Variants in NID1 observed in about 807,000 individuals in gnomAD.
NID1 encodes nidogen-1.
A neutral mutation model predicts 130.6 loss-of-function variants in NID1; 76 were observed. The ratio of observed to expected loss-of-function variants is 0.58; its 90% CI spans 0.48 to 0.70. The LOEUF (loss-of-function observed/expected upper bound fraction) is 0.70. Ranked by LOEUF, NID1 falls within the 30% of genes least tolerant of loss-of-function variation. The pLI, the probability that NID1 is intolerant of heterozygous loss-of-function variation, is 0.00. For synonymous variants in NID1, 665 were observed against 675.1 expected (o/e 0.98, Z 0.23); for missense variants, 1,517 against 1,664.8 (o/e 0.91, Z 1.54).
chr1:236,028,551 C>T (rs149826477), intron 7 of NID1, among the ~76,000 whole-genome samples: 115 of 152,196 alleles, frequency 7.6e-4, no homozygotes, highest in African/African-American at 2.6e-3. Context: ...ACTGTGTATC[C>T]ATGTTAAATT....
rs147298534 is a variant in NID1 at position 236,003,513 on chromosome 1, T to C, written c.2527+8408A>G. ...AAACCCTGAGGTGTGTTGTCCTGGATACCAAATGAAGAAAGTGTTTCAGGA... is the reference window on the plus strand; with the variant it reads ...AAACCCTGAGGTGTGTTGTCCTGGACACCAAATGAAGAAAGTGTTTCAGGA... On this transcript the variant is annotated intron_variant, in intron 12 of 19. Transcript: ENST00000264187. Among the ~76,000 whole-genome samples, 373 of 152,276 alleles carry C rather than the reference T, an allele frequency of 2.4e-3. 1 individual carries two copies. The highest frequency in any genetic ancestry group is 8.6e-3 in the African/African-American group (356 of 41,556).
chr1:236,030,985 G>T (rs1558440052), intron 6 of NID1, among the ~76,000 whole-genome samples: 1 of 152,180 alleles, frequency 6.6e-6, no homozygotes, highest in Non-Finnish European at 1.5e-5. Context: ...GCAAAGAAAA[G>T]GGCATCTGGT....
intron 9 of NID1, among the ~76,000 whole-genome samples, chr1:236,021,453 A>G (rs1347003762): frequency 1.3e-5 from 2 of 152,186 alleles, no homozygotes; most frequent in African/African-American, 2.4e-5. Flanking sequence ...CCTGACAGGC[A>G]CCTTGCATGA....
chr1:236,053,197 T>A (rs146638805), intron 1 of NID1, among the ~76,000 whole-genome samples: 2 of 152,194 alleles, frequency 1.3e-5, no homozygotes, highest in Non-Finnish European at 2.9e-5. Flanking sequence ...TAAATGTATG[T>A]AGAGCTCACA....
Position 235,979,077 on chromosome 1 carries a change from A to G in NID1, c.3540T>C (p.Ile1180=), listed in dbSNP as rs1236744756. ...MNSVVALDLA[I]SKETDAFQPH... ...GTTGGAAAGCATCCGTCTCCTTGGA[A>G]ATTGCAAGATCGAGAGCAACCACGG... Residue 1180 remains isoleucine, a synonymous_variant, in exon 19 of 20, where the codon ATT becomes ATC. Transcript: ENST00000264187. The surrounding 1 kb of genome is among the most constrained non-coding windows in gnomAD (Gnocchi z 4.6). 7 of 1,613,922 alleles carry G rather than the reference A, an allele frequency of 4.3e-6. No homozygotes were observed. Among genetic ancestry groups the G allele is most frequent in the Admixed American group, 1.7e-5 (1 of 59,990 alleles).
rs375679956 is a variant in NID1 at position 235,980,527 on chromosome 1, C to T, written c.3354G>A (p.Ala1118=). 1.6e-4 allele frequency: 254 copies of T among 1,614,168 alleles called. No homozygotes were observed. Among genetic ancestry groups the T allele is most frequent in the African/African-American group, 2.1e-4 (16 of 75,052 alleles). Residue 1118 remains alanine (A), a synonymous_variant, in exon 17 of 20, where the codon GCG becomes GCA. Coordinates refer to ENST00000264187, the MANE Select transcript of NID1 (RefSeq NM_002508.3). ...LGLPNGLTFD[A]FSSQLCWVDA... is the part of the protein sequence containing the mutation. The stretch of plus-strand genomic sequence containing the variant: ...CCACCCAGCAGAGCTGAGATGAGAA[C>T]GCATCGAAGGTCAGTCCATTGGGCA...
chr1:236,058,550 C>T (rs553328287), intron 1 of NID1, among the ~76,000 whole-genome samples: 1 of 152,308 alleles, frequency 6.6e-6, no homozygotes, highest in East Asian at 1.9e-4. Flanking sequence ...GAGGGTGTTT[C>T]CCATCTTAGA....
chr1:236,024,706 A>G (rs986537724), intron 8 of NID1, among the ~76,000 whole-genome samples: 2 of 152,202 alleles, frequency 1.3e-5, no homozygotes, highest in Admixed American at 1.3e-4. Flanking sequence ...GAAAAAAGGG[A>G]AAGATTTTAA....
intron 9 of NID1, among the ~76,000 whole-genome samples, chr1:236,019,426 C>A (rs1658692021): frequency 6.6e-6 from 1 of 152,230 alleles, no homozygotes; most frequent in Non-Finnish European, 1.5e-5. Context: ...GAAGACAGAG[C>A]AAAATCACAG....
chr1:236,009,194 T>C (rs185119933), intron 12 of NID1, among the ~76,000 whole-genome samples: 1 of 152,316 alleles, frequency 6.6e-6, no homozygotes, highest in Admixed American at 6.5e-5. Context: ...GGGGCCCTAA[T>C]GAATGGCCTT....
chr1:235,976,391 G>GAGTT lies in NID1; in HGVS notation c.*1472_*1475dup, dbSNP rs1467292038. The GAGTT allele has an allele frequency of 6.6e-6, 1 of 152,106 alleles. No homozygotes were observed. Among genetic ancestry groups the GAGTT allele is most frequent in the African/African-American group, 2.4e-5 (1 of 41,428 alleles). 9.4% of individuals were successfully genotyped at this position (152,106 alleles called of 1,614,324 possible). A position where few individuals can be genotyped will look rare whatever the true frequency, so the allele number is the denominator to read the frequency against. ...GGCAAAATGTACCATTTTCTTTTTG[G>GAGTT]AGTTACTTAAGAGTTTTACTTATTG... On this transcript the variant is annotated 3_prime_UTR_variant, in exon 20 of 20. Coordinates refer to ENST00000264187, the MANE Select transcript of NID1 (RefSeq NM_002508.3).
intron 1 of NID1, 68 bp downstream of exon 1, chr1:236,064,787 G>T: frequency 6.8e-7 from 1 of 1,468,386 alleles, no homozygotes; most frequent in Non-Finnish European, 9.3e-7. Context: ...AAGTCCGTCC[G>T]GCTCCACGGG....
intron 10 of NID1, among the ~76,000 whole-genome samples, chr1:236,015,104 C>A (rs1257949154): frequency 6.6e-6 from 1 of 152,168 alleles, no homozygotes; most frequent in Non-Finnish European, 1.5e-5. Context: ...GCAGAGCACA[C>A]CTTGCCCCAT....
intron 14 of NID1, among the ~76,000 whole-genome samples, chr1:235,989,299 A>G (rs1209491218): frequency 1.3e-5 from 2 of 152,040 alleles, no homozygotes; most frequent in East Asian, 1.9e-4. Flanking sequence ...ATTGCCTCAC[A>G]TGACATTTAG....
At chr1:236,024,966 T>G (rs1287656873) in intron 8 of NID1, among the ~76,000 whole-genome samples, 3 of 152,058 alleles carry the variant, frequency 2.0e-5, no homozygotes, top group African/African-American at 7.2e-5. Context: ...TCTTTTTTTT[T>G]TTTTGAGACA....
At chr1:235,983,384 T>A (rs1312038403) in intron 15 of NID1, among the ~76,000 whole-genome samples, 2 of 152,364 alleles carry the variant, frequency 1.3e-5, no homozygotes, top group African/African-American at 4.8e-5. Context: ...TAGAGATTTT[T>A]AAAATATTAA....
intron 5 of NID1, among the ~76,000 whole-genome samples, chr1:236,036,486 A>G (rs1477113718): frequency 1.3e-5 from 2 of 152,180 alleles, no homozygotes; most frequent in Non-Finnish European, 2.9e-5. Context: ...TATTTAGTCA[A>G]TTTTTGCAAA....
chr1:236,020,295 T>C (rs983034621), intron 9 of NID1, among the ~76,000 whole-genome samples: 2 of 152,196 alleles, frequency 1.3e-5, no homozygotes, highest in Non-Finnish European at 2.9e-5. Flanking sequence ...TGCCTCCTTT[T>C]TGACTTTTTT....
Position 236,032,463 on chromosome 1 carries a change from C to G in NID1, c.1475G>C (p.Gly492Ala), listed in dbSNP as rs755490238. 3 of 1,614,156 alleles carry G rather than the reference C, an allele frequency of 1.9e-6. No individual in the cohort carries two copies. The Admixed American group carries it at 5.0e-5, about 27-fold the overall frequency. The change falls in exon 6 of 20, where the codon GGC (glycine) becomes GCC (alanine). Residue 492 changes from glycine (G) to alanine (A), a missense_variant. Transcript: ENST00000264187. ...YSLLPLAPVG[G>A]IIGWMFAVEQ... ...CACTGCAAACATCCATCCAATGATG[C>G]CTCCAACTGGGGCCAGTGGAAGCAG...
Sources: gnomAD v4.1 joint callset for allele counts (sites outside exome capture counted in the v4.1 genomes callset) on GRCh38, gnomAD v4.1.1 for gene constraint, Gnocchi (gnomAD v3.1) non-coding constraint, MANE v1.5 for transcripts, NCBI Gene and HGNC (gene_info 2026-07-23, HGNC 2026-07-21) for gene names.